ERBB4: variants seen among roughly 807,000 people sequenced by gnomAD.
The protein encoded by ERBB4 is erb-b2 receptor tyrosine kinase 4.
A neutral mutation model predicts 158.0 loss-of-function variants in ERBB4; 42 were observed. The ratio of observed to expected loss-of-function variants is 0.27; its 90% CI spans 0.21 to 0.34. ERBB4 has a LOEUF of 0.34. Among genes scored for constraint, ERBB4 ranks in the 10% least tolerant of loss-of-function variants. The pLI, the probability that ERBB4 is intolerant of heterozygous loss-of-function variation, is 1.00. For missense variants in ERBB4, 1,333 were observed against 1,624.1 expected, an observed-to-expected ratio of 0.82 and a Z score of 3.08; for synonymous variants, 583 against 558.7, an observed-to-expected ratio of 1.04 and a Z score of -0.61.
At chr2:212,286,515 C>T (rs2106163932) in intron 1 of ERBB4, among the ~76,000 whole-genome samples, 1 of 150,732 alleles carries the variant, frequency 6.6e-6, no homozygotes, top group African/African-American at 2.4e-5. Context: ...CCTCTCTGAG[C>T]CTCAGTTTTC....
intron 3 of ERBB4, among the ~76,000 whole-genome samples, chr2:211,896,766 C>T (rs926134826): frequency 1.9e-4 from 29 of 151,990 alleles, no homozygotes; most frequent in African/African-American, 7.0e-4. Context: ...GTTTAACATG[C>T]CACATTAGGT....
chr2:212,343,504 C>T (rs1269938162), intron 1 of ERBB4, among the ~76,000 whole-genome samples: 1 of 152,072 alleles, frequency 6.6e-6, no homozygotes. Flanking sequence ...ACTCTAAATG[C>T]ATTGAATAGA....
intron 3 of ERBB4, among the ~76,000 whole-genome samples, chr2:211,942,241 A>G (rs896916995): frequency 3.9e-5 from 6 of 152,168 alleles, no homozygotes; most frequent in African/African-American, 1.4e-4. Context: ...ACTTATGCAT[A>G]TTTGAAGGCA....
intron 1 of ERBB4, among the ~76,000 whole-genome samples, chr2:212,363,081 T>C (rs543058978): frequency 2.0e-5 from 3 of 151,412 alleles, no homozygotes; most frequent in Non-Finnish European, 4.4e-5. Context: ...CACTATAATA[T>C]CAGACTTAAG....
At chr2:212,512,569 C>T (rs1289543483) in intron 1 of ERBB4, among the ~76,000 whole-genome samples, 1 of 152,100 alleles carries the variant, frequency 6.6e-6, no homozygotes, top group Non-Finnish European at 1.5e-5. Context: ...AAGCCCAATA[C>T]CTTTCTGAGA....
intron 1 of ERBB4, among the ~76,000 whole-genome samples, chr2:212,303,803 C>T (rs2086708557): frequency 1.3e-5 from 2 of 151,422 alleles, no homozygotes. Context: ...GCCATGTTTT[C>T]CCTGAGACAC....
chr2:211,701,778 AAAAAAAG>A, intron 12 of ERBB4, among the ~76,000 whole-genome samples, 182 bp downstream of exon 12: 1 of 150,824 alleles, frequency 6.6e-6, no homozygotes, highest in Admixed American at 6.6e-5. Context: ...AAAAAAAAAA[AAAAAAAG>A]AAAGTCACTT....
rs1304729087 is a variant in ERBB4 at position 211,382,799 on chromosome 2, C to T, written c.*816G>A. The T allele has an allele frequency of 4.3e-6, 1 of 232,430 alleles. No individual in the cohort carries two copies. The highest frequency in any genetic ancestry group is 2.2e-5 in the African/African-American group (1 of 45,284). 14.4% of individuals were successfully genotyped at this position (232,430 alleles called of 1,614,324 possible). A position where few individuals can be genotyped will look rare whatever the true frequency, so the allele number is the denominator to read the frequency against. On this transcript the variant is annotated 3_prime_UTR_variant, in exon 28 of 28. Coordinates refer to ENST00000342788, the MANE Select transcript of ERBB4 (RefSeq NM_005235.3). ...GCATGAAAAATATTAGCCTCCCTTT[C>T]TTATTTTAAAGATTGTATACTTAAA... is the stretch of plus-strand genomic sequence containing the variant.
chr2:211,458,520 C>T (rs1212113668), intron 20 of ERBB4, among the ~76,000 whole-genome samples: 3 of 152,130 alleles, frequency 2.0e-5, no homozygotes, highest in Admixed American at 1.3e-4. Context: ...CCACCTCAGC[C>T]TCCCAAAGTG....
chr2:212,458,699 A>G (rs920617643), intron 1 of ERBB4, among the ~76,000 whole-genome samples: 1 of 152,064 alleles, frequency 6.6e-6, no homozygotes, highest in Non-Finnish European at 1.5e-5. Context: ...TGATTTGGAG[A>G]CAATGGATTA....
At chr2:211,440,096 C>T (rs16825007) in intron 20 of ERBB4, among the ~76,000 whole-genome samples, 7,427 of 152,196 alleles carry the variant, frequency 0.049, 582 homozygotes, top group African/African-American at 0.17. Flanking sequence ...ACAGCATGTG[C>T]GAAAAACCTC....
chr2:212,257,871 C>G (rs754160261), intron 1 of ERBB4, among the ~76,000 whole-genome samples: 8 of 148,718 alleles, frequency 5.4e-5, no homozygotes, highest in African/African-American at 2.6e-5. Context: ...AAAGCATGGT[C>G]TAATGGTTAA....
intron 2 of ERBB4, among the ~76,000 whole-genome samples, chr2:212,055,241 G>C (rs1346698452): frequency 6.6e-6 from 1 of 152,244 alleles, no homozygotes; most frequent in East Asian, 1.9e-4. Flanking sequence ...GCAGCAGTGA[G>C]TCTGGGGAAG....
At chr2:211,979,729 C>G (rs986254458) in intron 2 of ERBB4, among the ~76,000 whole-genome samples, 10 of 151,988 alleles carry the variant, frequency 6.6e-5, no homozygotes, top group Non-Finnish European at 1.3e-4. Flanking sequence ...ATTTGTTCAC[C>G]TTTTAAATTG....
At chr2:211,387,845 G>C in intron 26 of ERBB4, 100 bp downstream of exon 26, 1 of 935,926 alleles carries the variant, frequency 1.1e-6, no homozygotes, top group Non-Finnish European at 1.8e-6. Context: ...CTCACTGTTG[G>C]CAAAGGCAAA....
At chr2:211,697,924 T>A (rs2073083769) in intron 12 of ERBB4, among the ~76,000 whole-genome samples, 1 of 152,192 alleles carries the variant, frequency 6.6e-6, no homozygotes, top group Non-Finnish European at 1.5e-5. Context: ...ATAAACTAGA[T>A]ACACATCATG....
chr2:211,596,823 G>A (rs2068647231), intron 19 of ERBB4, among the ~76,000 whole-genome samples: 1 of 151,758 alleles, frequency 6.6e-6, no homozygotes, highest in Non-Finnish European at 1.5e-5. Context: ...GGAGTGCAAT[G>A]GCACGATCTA....
At chr2:212,531,610 GA>G (rs1692761950) in intron 1 of ERBB4, among the ~76,000 whole-genome samples, 1 of 152,062 alleles carries the variant, frequency 6.6e-6, no homozygotes, top group Non-Finnish European at 1.5e-5. Context: ...TGGTGATGAG[GA>G]ACCCACTGTT....
chr2:211,462,248 A>G lies in ERBB4; in HGVS notation c.2488-31148T>C, dbSNP rs1388258726. ...CACTTTTAAACAATCAGATCTCATA[A>G]CTCACACACTATCATGAGCAGCACT... On this transcript the variant is annotated intron_variant, in intron 20 of 27. Coordinates refer to ENST00000342788, the MANE Select transcript of ERBB4 (RefSeq NM_005235.3). Among the ~76,000 whole-genome samples, 31 of 152,016 alleles carry G rather than the reference A, an allele frequency of 2.0e-4. 1 individual carries two copies. The highest frequency in any genetic ancestry group is 7.0e-4 in the African/African-American group (29 of 41,462).
Sources: gnomAD v4.1 joint callset for allele counts (sites outside exome capture counted in the v4.1 genomes callset) on GRCh38, gnomAD v4.1.1 for gene constraint, MANE v1.5 for transcripts, NCBI Gene and HGNC (gene_info 2026-07-23, HGNC 2026-07-21) for gene names.